The following PAN3 variants were observed in gnomAD, a reference collection of about 807,000 sequenced individuals.
The protein encoded by PAN3 is PAN2-PAN3 deadenylation complex subunit PAN3.
In PAN3, 19 loss-of-function variants were observed where a neutral mutation model predicts 96.2. That is an observed-to-expected ratio of 0.20 (90% CI 0.14 to 0.29). PAN3 has a LOEUF of 0.29. Ranked by LOEUF, PAN3 falls within the 10% of genes least tolerant of loss-of-function variation. The pLI, the probability that PAN3 is intolerant of heterozygous loss-of-function variation, is 1.00. For synonymous variants in PAN3, 433 were observed against 406.6 expected, an observed-to-expected ratio of 1.06 and a Z score of -0.78; for missense variants, 882 against 1,108.1, an observed-to-expected ratio of 0.80 and a Z score of 2.90.
At chr13:28,245,597 A>G (rs888059174) in intron 6 of PAN3, among the ~76,000 whole-genome samples, 2 of 152,214 alleles carry the variant, frequency 1.3e-5, no homozygotes, top group African/African-American at 4.8e-5. Flanking sequence ...TCAAAAGATC[A>G]TGGAACCATT....
intron 1 of PAN3, among the ~76,000 whole-genome samples, chr13:28,139,303 G>A (rs1017982468): frequency 1.3e-5 from 2 of 150,394 alleles, no homozygotes; most frequent in African/African-American, 4.9e-5. Context: ...GGGGAGGTTG[G>A]GTTCCCGGGA....
At chr13:28,221,737 T>C (rs1881436510) in intron 6 of PAN3, among the ~76,000 whole-genome samples, 3 of 152,222 alleles carry the variant, frequency 2.0e-5, no homozygotes, top group Non-Finnish European at 4.4e-5. Context: ...CAGGTTCAGT[T>C]AAATTTGTAA....
At chr13:28,178,859 C>T (rs565053299) in intron 4 of PAN3, among the ~76,000 whole-genome samples, 1 of 152,084 alleles carries the variant, frequency 6.6e-6, no homozygotes, top group Admixed American at 6.6e-5. Context: ...GTTGGCTTCA[C>T]GGTGTATAGT....
In PAN3 at chr13:28,295,061, G is replaced by A. The variant is rs1233385014; in HGVS notation, c.*2539G>A. On this transcript the variant is annotated 3_prime_UTR_variant, in exon 19 of 19. Coordinates refer to ENST00000380958, the MANE Select transcript of PAN3 (RefSeq NM_175854.8). ...TCGTGACAGATAAAAGCACAGAAAG[G>A]ACAACCCTTGAAATCATGTAACGTT... The A allele has an allele frequency of 1.3e-5, 2 of 152,134 alleles. No homozygotes were observed. The highest frequency in any genetic ancestry group is 2.9e-5 in the Non-Finnish European group (2 of 68,014). The allele number at this position is 152,134 out of a possible 1,614,324, so 9.4% of individuals were successfully genotyped here.
rs780248076 is a variant in PAN3, at chr13:28,292,519, G to T, written c.2661G>T (p.Leu887Phe). The T allele has an allele frequency of 5.0e-6, 8 of 1,606,424 alleles. No individual in the cohort carries two copies. The highest frequency in any genetic ancestry group is 6.8e-6 in the Non-Finnish European group (8 of 1,177,388). The stretch of plus-strand genomic sequence containing the variant: ...TGATTGCAGCTGCAAATGGTCAGTT[G>T]TAGTATTTGCTAAAAAAGCACGCAG... ...QELIAAANGQ[L>F] Residue 887 changes from leucine to phenylalanine, a missense_variant, in exon 19 of 19, where the codon TTG (leucine) becomes TTT (phenylalanine). Coordinates refer to ENST00000380958, the MANE Select transcript of PAN3 (RefSeq NM_175854.8).
intron 18 of PAN3, among the ~76,000 whole-genome samples, chr13:28,289,974 T>A (rs139456529): frequency 7.2e-5 from 11 of 152,350 alleles, no homozygotes; most frequent in African/African-American, 2.6e-4. Flanking sequence ...ATTATGAAGT[T>A]TAGAACTGGT....
In PAN3 at chr13:28,220,387, A is replaced by T; in HGVS notation, c.1000+9A>T. The T allele has an allele frequency of 6.2e-7, 1 of 1,612,754 alleles. No individual in the cohort carries two copies. Among genetic ancestry groups the T allele is most frequent in the Non-Finnish European group, 8.5e-7 (1 of 1,179,244 alleles). On this transcript the variant is annotated intron_variant, in intron 6 of 18. Transcript: ENST00000380958. The stretch of plus-strand genomic sequence containing the variant: ...TGCTGGATTAGCGCCAGGTAAGTTG[A>T]GTAACTATTTCCAGTGAGTTCCAGA...
chr13:28,292,929 C>T lies in PAN3; in HGVS notation c.*407C>T, dbSNP rs372261974. The T allele has an allele frequency of 1.3e-5, 2 of 153,600 alleles. No individual in the cohort carries two copies. The highest frequency in any genetic ancestry group is 6.5e-5 in the Admixed American group (1 of 15,296). The allele number at this position is 153,600 out of a possible 1,614,324, so 9.5% of individuals were successfully genotyped here. A position where few individuals can be genotyped will look rare whatever the true frequency, so the allele number is the denominator to read the frequency against. The stretch of plus-strand genomic sequence containing the variant: ...AAGCAATGCTGGGCAGCGTTTTTGC[C>T]ATTGAGGGTTGCAGAATTTGCTCTT... On this transcript the variant is annotated 3_prime_UTR_variant, in exon 19 of 19. Coordinates refer to ENST00000380958, the MANE Select transcript of PAN3 (RefSeq NM_175854.8).
intron 1 of PAN3, among the ~76,000 whole-genome samples, chr13:28,145,923 C>T (rs1306613097): frequency 4.6e-5 from 7 of 151,854 alleles, no homozygotes; most frequent in South Asian, 2.1e-4. Context: ...TGCGCCACCA[C>T]GCCCAGCTAA....
intron 5 of PAN3, chr13:28,215,065 A>G: frequency 4.0e-6 from 4 of 989,372 alleles, no homozygotes; most frequent in Non-Finnish European, 4.8e-6. Flanking sequence ...ATTGGCTACA[A>G]TCCTGACACA....
intron 1 of PAN3, among the ~76,000 whole-genome samples, chr13:28,139,514 T>TGTGTGTGTGTGTG (rs1869353072): frequency 1.1e-5 from 1 of 93,100 alleles, no homozygotes; most frequent in African/African-American, 5.2e-5. Flanking sequence ...AGGGGTGTGT[T>TGTGTGTGTGTGTG]TGTGTGTGTG....
intron 4 of PAN3, among the ~76,000 whole-genome samples, chr13:28,180,061 G>A (rs1033982018): frequency 5.3e-5 from 8 of 152,118 alleles, no homozygotes; most frequent in Admixed American, 5.2e-4. Flanking sequence ...ATAGAAAAAT[G>A]AGCACTCTAC....
At chr13:28,153,979 C>T (rs1871744235) in intron 1 of PAN3, among the ~76,000 whole-genome samples, 1 of 152,126 alleles carries the variant, frequency 6.6e-6, no homozygotes, top group Non-Finnish European at 1.5e-5. Flanking sequence ...CCATTTATTG[C>T]TTTATTGGCA....
chr13:28,265,446 A>G (rs1416581697), intron 9 of PAN3, among the ~76,000 whole-genome samples: 1 of 152,224 alleles, frequency 6.6e-6, no homozygotes, highest in Non-Finnish European at 1.5e-5. Flanking sequence ...TGGCCATGCC[A>G]TGTAGAGATT....
chr13:28,194,447 TATGTATATATATATA>T (rs1877729728), intron 4 of PAN3, among the ~76,000 whole-genome samples: 6 of 115,086 alleles, frequency 5.2e-5, no homozygotes, highest in African/African-American at 2.4e-4. Flanking sequence ...CATATATATG[TATGTATATATATATA>T]TATATTTTTT....
chr13:28,212,968 C>T (rs1880228181), intron 5 of PAN3, among the ~76,000 whole-genome samples: 1 of 152,024 alleles, frequency 6.6e-6, no homozygotes, highest in African/African-American at 2.4e-5. Context: ...TCCAGTGAAC[C>T]ACAGGCAAAA....
At chr13:28,254,658 A>T (rs1490176512) in intron 6 of PAN3, among the ~76,000 whole-genome samples, 1 of 152,152 alleles carries the variant, frequency 6.6e-6, no homozygotes, top group Non-Finnish European at 1.5e-5. Context: ...AATAGTTTTT[A>T]AAAAATAAAA....
At chr13:28,156,069 C>T (rs1340275452) in intron 1 of PAN3, among the ~76,000 whole-genome samples, 1 of 152,056 alleles carries the variant, frequency 6.6e-6, no homozygotes, top group Non-Finnish European at 1.5e-5. Context: ...AAAATCAGAG[C>T]TGAACTGAAT....
intron 17 of PAN3, among the ~76,000 whole-genome samples, chr13:28,282,331 TG>T (rs1354560217): frequency 5.0e-5 from 7 of 139,840 alleles, no homozygotes; most frequent in Non-Finnish European, 4.5e-5. Context: ...TACTATTACT[TG>T]AGGGGTTGTT....
Sources: gnomAD v4.1 joint callset for allele counts (sites outside exome capture counted in the v4.1 genomes callset) on GRCh38, gnomAD v4.1.1 for gene constraint, MANE v1.5 for transcripts, NCBI Gene and HGNC (gene_info 2026-07-23, HGNC 2026-07-21) for gene names.